Variants in RBMS3 observed in about 807,000 individuals in gnomAD.
The protein encoded by RBMS3 is RNA-binding motif, single-stranded-interacting protein 3.
A neutral mutation model predicts 66.8 loss-of-function variants in RBMS3; 27 were observed. The observed-to-expected ratio is 0.40, with a 90% CI of 0.30 to 0.56. The LOEUF (loss-of-function observed/expected upper bound fraction) is 0.56, where lower values mean the gene tolerates loss of function less well. Ranked by LOEUF, RBMS3 falls within the 20% of genes least tolerant of loss-of-function variation. The pLI is 0.40. For missense variants in RBMS3, 513 were observed against 549.5 expected, an observed-to-expected ratio of 0.93 and a Z score of 0.66; for synonymous variants, 188 against 183.0, an observed-to-expected ratio of 1.03 and a Z score of -0.22.
At chr3:29,638,165 A>G (rs1467567052) in intron 4 of RBMS3, among the ~76,000 whole-genome samples, 1 of 151,830 alleles carries the variant, frequency 6.6e-6, no homozygotes, top group African/African-American at 2.4e-5. Flanking sequence ...AAATAAGAAG[A>G]CATCAGAGCC....
intron 4 of RBMS3, among the ~76,000 whole-genome samples, chr3:29,594,075 A>T (rs955880083): frequency 6.6e-6 from 1 of 152,190 alleles, no homozygotes; most frequent in African/African-American, 2.4e-5. Flanking sequence ...TATTTAAGCA[A>T]TAGTTATGAA....
At chr3:29,707,624 G>A (rs1479833549) in intron 4 of RBMS3, among the ~76,000 whole-genome samples, 1 of 152,172 alleles carries the variant, frequency 6.6e-6, no homozygotes, top group Non-Finnish European at 1.5e-5. Context: ...GAAAAAGTAT[G>A]CCTTGCTTTT....
intron 6 of RBMS3, among the ~76,000 whole-genome samples, chr3:29,859,118 C>T (rs2059149887): frequency 6.6e-6 from 1 of 152,070 alleles, no homozygotes; most frequent in Admixed American, 6.5e-5. Flanking sequence ...AGTGTATATT[C>T]CCTCACCAGT....
intron 14 of RBMS3, among the ~76,000 whole-genome samples, chr3:29,997,519 A>G (rs1199036182): frequency 1.3e-5 from 2 of 150,168 alleles, no homozygotes; most frequent in Non-Finnish European, 1.5e-5. Flanking sequence ...AAAATCCTCA[A>G]TAAAATACTG....
intron 1 of RBMS3, among the ~76,000 whole-genome samples, chr3:29,378,495 AAAAC>A (rs200172236): frequency 0.64 from 84,733 of 132,894 alleles, 25,968 homozygotes; most frequent in Non-Finnish European, 0.73. Context: ...ATTAAAAAAA[AAAAC>A]AAAAAACAAC....
intron 3 of RBMS3, among the ~76,000 whole-genome samples, chr3:29,575,479 C>T (rs1383683944): frequency 6.6e-6 from 1 of 151,968 alleles, no homozygotes. Flanking sequence ...TTGAGGTAGT[C>T]TTCTTTGGGT....
At chr3:29,875,989 T>C (rs569969200) in intron 7 of RBMS3, among the ~76,000 whole-genome samples, 77 of 152,338 alleles carry the variant, frequency 5.1e-4, no homozygotes, top group African/African-American at 1.7e-3. Context: ...TTTGATGTTC[T>C]TTTCTCAAAC....
intron 1 of RBMS3, among the ~76,000 whole-genome samples, chr3:29,416,540 AT>A (rs35010693): frequency 0.53 from 80,020 of 150,586 alleles, 21,226 homozygotes; most frequent in South Asian, 0.6. Flanking sequence ...CCCTATTTGC[AT>A]TTTTTTTTTC....
intron 1 of RBMS3, among the ~76,000 whole-genome samples, chr3:29,351,396 G>A (rs1426475808): frequency 1.3e-5 from 2 of 152,050 alleles, no homozygotes; most frequent in African/African-American, 4.8e-5. Context: ...AGTTTTCTGT[G>A]TTTCCTCATA....
chr3:29,705,019 T>G (rs1453231305), intron 4 of RBMS3, among the ~76,000 whole-genome samples: 1 of 152,232 alleles, frequency 6.6e-6, no homozygotes, highest in Non-Finnish European at 1.5e-5. Flanking sequence ...CCAAGGGGAA[T>G]GCTTTCTGGA....
chr3:29,975,185 T>A (rs1697503304), intron 12 of RBMS3, among the ~76,000 whole-genome samples: 1 of 148,932 alleles, frequency 6.7e-6, no homozygotes, highest in Non-Finnish European at 1.5e-5. Flanking sequence ...GTAGATGAAA[T>A]TTAGGTGACT....
At chr3:29,901,217 T>C (rs1238191640) in intron 10 of RBMS3, among the ~76,000 whole-genome samples, 2 of 151,796 alleles carry the variant, frequency 1.3e-5, no homozygotes. Context: ...ATTCAGTTTG[T>C]GCTGCCAAAG....
In RBMS3 at chr3:29,702,948, T is replaced by G. The variant is rs1256566954; in HGVS notation, c.400-36772T>G. The stretch of plus-strand genomic sequence containing the variant: ...CGGACACAATAGGAAGCTGAAAAGA[T>G]TGTTGGAAGCCCTAGAGTGGTTAAT... On this transcript the variant is annotated intron_variant, in intron 4 of 14. Coordinates refer to ENST00000383767, the MANE Select transcript of RBMS3 (RefSeq NM_001003793.3). Among the ~76,000 whole-genome samples the G allele has an allele frequency of 2.0e-5, 3 of 152,182 alleles. No individual in the cohort carries two copies. The East Asian group carries it at 5.8e-4, about 29-fold the overall frequency.
In RBMS3 at chr3:29,743,610, T is replaced by C. The variant is rs541335539; in HGVS notation, c.557+3733T>C. On this transcript the variant is annotated intron_variant, in intron 5 of 14. Coordinates refer to ENST00000383767, the MANE Select transcript of RBMS3 (RefSeq NM_001003793.3). Reference sequence around the variant, plus strand: ...CTAAAAGCACTCTAAAGCTTTGCCTTAGGTCATTAGTACTTGTTCTTAGGA... The same window carrying C: ...CTAAAAGCACTCTAAAGCTTTGCCTCAGGTCATTAGTACTTGTTCTTAGGA... Among the ~76,000 whole-genome samples the C allele has an allele frequency of 9.2e-5, 14 of 152,326 alleles. No homozygotes were observed. The South Asian group carries it at 2.7e-3, about 29-fold the overall frequency.
intron 6 of RBMS3, among the ~76,000 whole-genome samples, chr3:29,839,523 A>T (rs2058611710): frequency 6.6e-6 from 1 of 152,052 alleles, no homozygotes; most frequent in African/African-American, 2.4e-5. Flanking sequence ...AAAATTATTA[A>T]TGAGGAAGCT....
At chr3:29,466,661 T>C (rs2042555116) in intron 2 of RBMS3, among the ~76,000 whole-genome samples, 1 of 152,178 alleles carries the variant, frequency 6.6e-6, no homozygotes, top group Non-Finnish European at 1.5e-5. Flanking sequence ...CTAGCCATAA[T>C]TTAACTGTAA....
At chr3:29,888,286 T>C (rs1200204461) in intron 8 of RBMS3, among the ~76,000 whole-genome samples, 1 of 151,736 alleles carries the variant, frequency 6.6e-6, no homozygotes, top group African/African-American at 2.4e-5. Context: ...AATCAAGAGA[T>C]TTTATATACT....
chr3:29,890,318 A>T (rs562641815), intron 8 of RBMS3, among the ~76,000 whole-genome samples: 1 of 151,674 alleles, frequency 6.6e-6, no homozygotes, highest in Non-Finnish European at 1.5e-5. Flanking sequence ...CTTACTCAAC[A>T]TACCAAGGAG....
chr3:29,429,268 A>G (rs2125714445), intron 1 of RBMS3, among the ~76,000 whole-genome samples: 1 of 152,350 alleles, frequency 6.6e-6, no homozygotes, highest in East Asian at 1.9e-4. Flanking sequence ...TAGCAAGCAC[A>G]AACGGATGCT....
Sources: allele counts gnomAD v4.1 joint callset (sites outside exome capture counted in the v4.1 genomes callset), GRCh38; gene constraint gnomAD v4.1.1; transcripts MANE v1.5; gene names NCBI Gene and HGNC (gene_info 2026-07-23, HGNC 2026-07-21).